The following WDR62 variants were observed in gnomAD, a reference collection of about 807,000 sequenced individuals.
The protein encoded by WDR62 is WD repeat domain 62.
WDR62 carries 112 observed loss-of-function variants against 160.6 expected under a neutral mutation model. The ratio of observed to expected loss-of-function variants is 0.70; its 90% confidence interval spans 0.60 to 0.82. WDR62 has a LOEUF of 0.82. Among genes scored for constraint, WDR62 ranks in the 40% least tolerant of loss-of-function variants. WDR62 has a pLI of 0.00. For missense variants in WDR62, 1,819 were observed against 1,983.8 expected, an observed-to-expected ratio of 0.92 and a Z score of 1.58; for synonymous variants, 792 against 815.1, an observed-to-expected ratio of 0.97 and a Z score of 0.48.
rs765397032 is a variant in WDR62 at position 36,102,157 on chromosome 19, G to A, written c.3220+6G>A. 1.9e-6 allele frequency: 3 copies of A among 1,613,596 alleles called. No homozygotes were observed. The highest frequency in any genetic ancestry group is 3.3e-5 in the Admixed American group (2 of 60,024). ...GACTGAGTCCCCCTGCAGAGGTAGG[G>A]CCCTGCCTCACCCACACCTGCCGAG... On this transcript the variant is annotated splice_donor_region_variant and intron_variant, in intron 26 of 31. Transcript: ENST00000401500.
At chr19:36,093,807 A>T (rs1237694995) in intron 19 of WDR62, among the ~76,000 whole-genome samples, 2 of 152,098 alleles carry the variant, frequency 1.3e-5, no homozygotes, top group East Asian at 3.9e-4. Flanking sequence ...TGGCCCTGAG[A>T]GTTTGCATTC....
In WDR62 at chr19:36,101,960, C is replaced by G. The variant is rs1973373367; in HGVS notation, c.3083-54C>G. The G allele has an allele frequency of 3.7e-6, 6 of 1,612,992 alleles. No homozygotes were observed. The South Asian group carries it at 5.5e-5, about 15-fold the overall frequency. On this transcript the variant is annotated intron_variant, in intron 25 of 31. Coordinates refer to ENST00000401500, the MANE Select transcript of WDR62 (RefSeq NM_001083961.2). ...CCGCTTTCTCCATTTCAGGTGGCGT[C>G]TGCTGTGACTCATGGTGTTGGCTCC...
rs1444415295 is a variant in WDR62, at chr19:36,066,314, G to A, written c.448G>A (p.Glu150Lys). Reference sequence around the variant, plus strand: ...TGTGGAGGAGAAGAATCAGGTGGCGGAGATGCTAGGCCACAAGTATGGTGT... The same window carrying A: ...TGTGGAGGAGAAGAATCAGGTGGCGAAGATGCTAGGCCACAAGTATGGTGT... ...WDVEEKNQVA[E>K]MLGHKYGVAC... Residue 150 changes from glutamate (E) to lysine (K), a missense_variant, in exon 5 of 32, where the codon GAG becomes AAG. Coordinates refer to ENST00000401500, the MANE Select transcript of WDR62 (RefSeq NM_001083961.2). The A allele has an allele frequency of 1.9e-6, 3 of 1,614,124 alleles. No individual in the cohort carries two copies. Among genetic ancestry groups the A allele is most frequent in the African/African-American group, 2.7e-5 (2 of 74,942 alleles).
chr19:36,087,763 G>A (rs1426608842), intron 13 of WDR62, among the ~76,000 whole-genome samples: 1 of 152,100 alleles, frequency 6.6e-6, no homozygotes, highest in Non-Finnish European at 1.5e-5. Context: ...AGGTTGCAGT[G>A]AGCCAAAATT....
chr19:36,061,307 C>T (rs756596806), intron 3 of WDR62: 4 of 152,190 alleles, frequency 2.6e-5, no homozygotes, highest in Non-Finnish European at 5.9e-5. Context: ...TCAGGTGAGA[C>T]ACTTCTTTCA....
chr19:36,086,616 A>C (rs1972246033), intron 12 of WDR62, 71 bp from the exon 13 acceptor site: 1 of 1,543,570 alleles, frequency 6.5e-7, no homozygotes, highest in Non-Finnish European at 8.8e-7. Flanking sequence ...CAGCTTGGTC[A>C]CACTGCCCTT....
intron 3 of WDR62, chr19:36,061,260 T>A (rs1970630539): frequency 6.6e-6 from 1 of 152,174 alleles, no homozygotes; most frequent in Admixed American, 6.5e-5. Flanking sequence ...AGAGCTGGGT[T>A]CCATTCCTGG....
At chr19:36,107,439 G>A (rs547039618), downstream of WDR62, among the ~76,000 whole-genome samples, 2 of 152,228 alleles carry the variant, frequency 1.3e-5, no homozygotes, top group East Asian at 3.9e-4. Flanking sequence ...GTGACAGCAG[G>A]AGAGGAAGAG....
chr19:36,054,940 G>A lies in WDR62; in HGVS notation c.-32G>A. ...GGCGGTGGCGGCAGCGGCGGTTAGG[G>A]GATGTAACGGTCGCCCGCCTCCGGC... On this transcript the variant is annotated 5_prime_UTR_variant, in exon 1 of 32. Transcript: ENST00000401500. 1.9e-6 allele frequency: 3 copies of A among 1,561,188 alleles called. No individual in the cohort carries two copies. Among genetic ancestry groups the A allele is most frequent in the Non-Finnish European group, 2.6e-6 (3 of 1,154,602 alleles).
chr19:36,055,027 CCT>C lies in WDR62; in HGVS notation c.59_60del (p.Ser20CysfsTer59), dbSNP rs1226252680. On this transcript the variant is annotated frameshift_variant, in exon 1 of 32. Transcript: ENST00000401500. LOFTEE classifies it high-confidence loss of function. ...CGGAACGATGCAGGGGAGAAGCTGC[CCT>C]CTGTCATGGCGGGAGTTCCGGCGCG... The C allele has an allele frequency of 6.2e-7, 1 of 1,608,282 alleles. No individual in the cohort carries two copies. The highest frequency in any genetic ancestry group is 8.5e-7 in the Non-Finnish European group (1 of 1,178,466).
intron 30 of WDR62, 138 bp from the exon 31 acceptor site, chr19:36,104,380 G>A: frequency 9.2e-7 from 1 of 1,090,706 alleles, no homozygotes; most frequent in Admixed American, 2.3e-5. Context: ...GAGACCTGTA[G>A]GAGTGAAGGG....
chr19:36,067,204 C>CT, intron 5 of WDR62, 102 bp from the exon 6 acceptor site: 1 of 1,524,078 alleles, frequency 6.6e-7, no homozygotes, highest in Non-Finnish European at 9.0e-7. Flanking sequence ...GGAAGACAGA[C>CT]TTGGAGTGGG....
At position 36,101,694 on chromosome 19, in the gene WDR62, GCAGCTTCGCAGCCATCCACTCCC is replaced by G. The variant is rs1238525426; in HGVS notation, c.3008_3030del (p.Phe1003SerfsTer4). 7.7e-6 allele frequency: 12 copies of G among 1,550,998 alleles called. No homozygotes were observed. The Admixed American group carries it at 7.8e-5, about 10-fold the overall frequency. ...GGGGAGTCAGAGGCCGACCTGGAGTGCAGCTTCGCAGCCATCCACTCCCCAGCTCCGCCTCCTGACCCTGCCCC... is the reference window on the plus strand; with the variant it reads ...GGGGAGTCAGAGGCCGACCTGGAGTGCAGCTCCGCCTCCTGACCCTGCCCC... On this transcript the variant is annotated frameshift_variant, in exon 25 of 32. Transcript: ENST00000401500. LOFTEE classifies it high-confidence loss of function.
chr19:36,095,322 C>T (rs1015774038), intron 20 of WDR62, among the ~76,000 whole-genome samples: 16 of 152,176 alleles, frequency 1.1e-4, no homozygotes, highest in African/African-American at 3.9e-4. Flanking sequence ...GAATAGAACA[C>T]CTCTTTCCTA....
intron 26 of WDR62, chr19:36,102,465 T>C: frequency 1.7e-6 from 1 of 582,866 alleles, no homozygotes; most frequent in Non-Finnish European, 3.1e-6. Context: ...TTTCACCATG[T>C]TGGCCAGACT....
At chr19:36,058,683 T>C (rs1599743062) in intron 1 of WDR62, 97 bp from the exon 2 acceptor site, 1 of 859,296 alleles carries the variant, frequency 1.2e-6, no homozygotes, top group African/African-American at 1.6e-5. Context: ...TCAGTGTGGG[T>C]GTTGAATGTA....
In WDR62 at chr19:36,099,464, C is replaced by T. The variant is rs763076853; in HGVS notation, c.2586C>T (p.Gly862=). ...FHAKRSYQPH[G]RWAERAGQEP... is the part of the protein sequence containing the mutation. ...CCAAGCGCAGCTACCAGCCCCACGG[C>T]CGCTGGGCAGAGCGGGCCGGCCAAG... The change falls in exon 22 of 32, where the codon GGC becomes GGT. Residue 862 remains glycine, a synonymous_variant. Coordinates refer to ENST00000401500, the MANE Select transcript of WDR62 (RefSeq NM_001083961.2). The T allele has an allele frequency of 7.4e-6, 12 of 1,613,924 alleles. No individual in the cohort carries two copies. The highest frequency in any genetic ancestry group is 1.0e-5 in the Non-Finnish European group (12 of 1,180,006).
At chr19:36,102,350 T>A (rs1183837257) in intron 26 of WDR62, 199 bp downstream of exon 26, 1 of 722,792 alleles carries the variant, frequency 1.4e-6, no homozygotes, top group Non-Finnish European at 2.4e-6. Context: ...AACCTCCGAC[T>A]CCCTGGTTCA....
rs1417437683 is a variant in WDR62 at position 36,081,518 on chromosome 19, G to A, written c.1319G>A (p.Trp440Ter). 6.2e-7 allele frequency: 1 copy of A among 1,614,036 alleles called. No individual in the cohort carries two copies. Among genetic ancestry groups the A allele is most frequent in the East Asian group, 2.2e-5 (1 of 44,892 alleles). ...TCTTCAGACAACACCATTCGCTTCTGGAACTTGGACAGCAGCCCTGATTCT... is the reference window on the plus strand; with the variant it reads ...TCTTCAGACAACACCATTCGCTTCTAGAACTTGGACAGCAGCCCTGATTCT... ...TCSSDNTIRF[W>*]NLDSSPDSHW... The change falls in exon 10 of 32, where the codon TGG becomes TAG. Residue 440 changes from tryptophan to a stop codon, truncating the protein, a stop_gained. Transcript: ENST00000401500. LOFTEE classifies it high-confidence loss of function.
Sources: allele counts gnomAD v4.1 joint callset (sites outside exome capture counted in the v4.1 genomes callset), GRCh38; gene constraint gnomAD v4.1.1; transcripts MANE v1.5; gene names NCBI Gene and HGNC (gene_info 2026-07-23, HGNC 2026-07-21).